The following PTPRD variants were observed in gnomAD, a reference collection of about 807,000 sequenced individuals.
The protein encoded by PTPRD is receptor-type tyrosine-protein phosphatase delta.
Under a neutral mutation model 214.5 loss-of-function variants are expected in PTPRD, and 34 were observed. That is an observed-to-expected ratio of 0.16 (90% CI 0.12 to 0.21). The LOEUF (loss-of-function observed/expected upper bound fraction) is 0.21. PTPRD is among the 10% of genes least tolerant of loss of function. The pLI, the probability that PTPRD is intolerant of heterozygous loss-of-function variation, is 1.00. For synonymous variants in PTPRD, 1,128 were observed against 845.7 expected, an observed-to-expected ratio of 1.33 and a Z score of -5.79; for missense variants, 2,545 against 2,398.7, an observed-to-expected ratio of 1.06 and a Z score of -1.27.
chr9:9,168,094 T>C (rs2099907716), intron 10 of PTPRD, among the ~76,000 whole-genome samples: 1 of 152,212 alleles, frequency 6.6e-6, no homozygotes, highest in Admixed American at 6.5e-5. Flanking sequence ...GCCTCTTTTC[T>C]AAATAAAGTT....
At chr9:9,720,849 G>A (rs977389017) in intron 7 of PTPRD, among the ~76,000 whole-genome samples, 8 of 152,118 alleles carry the variant, frequency 5.3e-5, no homozygotes, top group Non-Finnish European at 8.8e-5. Context: ...GTTGGAACAT[G>A]GATGGAGTGG....
chr9:10,225,070 C>A (rs1018418180), intron 3 of PTPRD, among the ~76,000 whole-genome samples: 1 of 151,884 alleles, frequency 6.6e-6, no homozygotes, highest in South Asian at 2.1e-4. Flanking sequence ...GCACTTCTAA[C>A]CTCCACATTG....
intron 10 of PTPRD, among the ~76,000 whole-genome samples, chr9:9,148,004 T>A (rs185353833): frequency 3.9e-5 from 6 of 152,310 alleles, no homozygotes; most frequent in African/African-American, 1.2e-4. Context: ...GGAGGGCTTG[T>A]TTTAGGAATG....
intron 7 of PTPRD, among the ~76,000 whole-genome samples, chr9:9,694,019 C>A (rs181083298): frequency 1.3e-5 from 2 of 152,268 alleles, no homozygotes; most frequent in African/African-American, 4.8e-5. Flanking sequence ...TCTTGAATTT[C>A]TTTGAGTTTC....
chr9:9,372,679 C>A (rs2059838840), intron 9 of PTPRD, among the ~76,000 whole-genome samples: 1 of 152,040 alleles, frequency 6.6e-6, no homozygotes, highest in Non-Finnish European at 1.5e-5. Context: ...GTTATTTACT[C>A]GTTAGTTGAT....
At chr9:10,609,691 T>G (rs1395195487) in intron 2 of PTPRD, among the ~76,000 whole-genome samples, 1 of 152,004 alleles carries the variant, frequency 6.6e-6, no homozygotes, top group African/African-American at 2.4e-5. Context: ...CCATAAAGAA[T>G]AAAGCAAAAA....
At chr9:9,772,712 C>G (rs939405040) in intron 5 of PTPRD, among the ~76,000 whole-genome samples, 1 of 141,614 alleles carries the variant, frequency 7.1e-6, no homozygotes, top group Non-Finnish European at 1.5e-5. Context: ...TTTCATATAG[C>G]AAGTCTTTCA....
At chr9:8,339,346 A>C (rs779713989) in intron 42 of PTPRD, among the ~76,000 whole-genome samples, 2 of 152,158 alleles carry the variant, frequency 1.3e-5, no homozygotes, top group Non-Finnish European at 2.9e-5. Flanking sequence ...AAGCATCTTC[A>C]TACCTACAAG....
At chr9:9,443,240 G>T (rs916501640) in intron 8 of PTPRD, among the ~76,000 whole-genome samples, 3 of 144,712 alleles carry the variant, frequency 2.1e-5, no homozygotes, top group Admixed American at 6.8e-5. Flanking sequence ...AAAATCATAT[G>T]GCATAAATAA....
rs1300097483 is a variant in PTPRD, at chr9:10,446,817, T to C, written c.-599-105800A>G. ...GAAACTGGATCCATGAAGAGAGTGA[T>C]GACTTTGAAAAGAAATGCAAAAAGG... On this transcript the variant is annotated intron_variant, in intron 2 of 45. Transcript: ENST00000381196. 5.3e-5 allele frequency among the ~76,000 whole-genome samples: 8 copies of C among 152,256 alleles called. No homozygotes were observed. The South Asian group carries it at 1.7e-3, about 32-fold the overall frequency.
intron 12 of PTPRD, among the ~76,000 whole-genome samples, chr9:8,686,545 A>G (rs2097685083): frequency 6.6e-6 from 1 of 152,174 alleles, no homozygotes; most frequent in African/African-American, 2.4e-5. Context: ...CAATTTCATA[A>G]AGTAGGTAAT....
intron 5 of PTPRD, among the ~76,000 whole-genome samples, chr9:9,879,993 C>T (rs1600705063): frequency 6.6e-6 from 1 of 152,052 alleles, no homozygotes; most frequent in African/African-American, 2.4e-5. Flanking sequence ...ATATGGCTTG[C>T]CTCTGTGTCC....
chr9:8,930,798 T>A (rs1398123300), intron 11 of PTPRD, among the ~76,000 whole-genome samples: 2 of 152,208 alleles, frequency 1.3e-5, no homozygotes, highest in Admixed American at 1.3e-4. Flanking sequence ...GCCCACTTTT[T>A]GATGGGGTTG....
intron 14 of PTPRD, among the ~76,000 whole-genome samples, chr9:8,566,158 A>G (rs1377321625): frequency 7.1e-6 from 1 of 141,050 alleles, no homozygotes; most frequent in East Asian, 2.0e-4. Flanking sequence ...AGTTTCATTT[A>G]TAGACCAATG....
At chr9:8,490,617 A>G (rs1234987238) in intron 27 of PTPRD, among the ~76,000 whole-genome samples, 1 of 152,258 alleles carries the variant, frequency 6.6e-6, no homozygotes, top group Non-Finnish European at 1.5e-5. Context: ...GAACTCAGAC[A>G]GTAAACTAAT....
At chr9:10,541,608 T>C (rs887076571) in intron 2 of PTPRD, among the ~76,000 whole-genome samples, 1 of 151,934 alleles carries the variant, frequency 6.6e-6, no homozygotes, top group Non-Finnish European at 1.5e-5. Context: ...TTATTACATA[T>C]TAAATAAATA....
intron 14 of PTPRD, among the ~76,000 whole-genome samples, chr9:8,597,208 T>C (rs1005154131): frequency 5.9e-5 from 9 of 152,152 alleles, no homozygotes; most frequent in African/African-American, 2.2e-4. Flanking sequence ...AGAGCAGTCT[T>C]TGAGTTAGTA....
At chr9:8,518,962 C>T (rs552654024) in intron 20 of PTPRD, among the ~76,000 whole-genome samples, 2 of 151,778 alleles carry the variant, frequency 1.3e-5, no homozygotes, top group Admixed American at 6.6e-5. Context: ...ACTGAAATAC[C>T]GATAAACATT....
intron 7 of PTPRD, among the ~76,000 whole-genome samples, chr9:9,618,147 A>AT (rs2095016107): frequency 6.9e-6 from 1 of 145,318 alleles, no homozygotes; most frequent in Non-Finnish European, 1.5e-5. Context: ...AAAAGGCAAG[A>AT]TTGGAGGTGG....
Sources: gnomAD v4.1 joint callset for allele counts (sites outside exome capture counted in the v4.1 genomes callset) on GRCh38, gnomAD v4.1.1 for gene constraint, MANE v1.5 for transcripts, NCBI Gene and HGNC (gene_info 2026-07-23, HGNC 2026-07-21) for gene names.